Variants in MBTPS1 observed in about 807,000 individuals in gnomAD.
The protein encoded by MBTPS1 is membrane bound transcription factor peptidase, site 1.
A neutral mutation model predicts 127.8 loss-of-function variants in MBTPS1; 94 were observed. The observed-to-expected ratio is 0.74, with a 90% CI of 0.62 to 0.87. The LOEUF is 0.87. MBTPS1 is among the 40% of genes least tolerant of loss of function. MBTPS1 has a pLI of 0.00. For synonymous variants in MBTPS1, 632 were observed against 509.4 expected, an observed-to-expected ratio of 1.24 and a Z score of -3.24; for missense variants, 1,636 against 1,353.2, an observed-to-expected ratio of 1.21 and a Z score of -3.28.
chr16:84,112,177 G>A (rs2086406528), intron 1 of MBTPS1, among the ~76,000 whole-genome samples: 1 of 152,096 alleles, frequency 6.6e-6, no homozygotes, highest in Non-Finnish European at 1.5e-5. Flanking sequence ...ATTCCAGCCT[G>A]GGCAATGGAG....
rs2085884555 is a variant in MBTPS1, at chr16:84,077,881, G to A, written c.1449-3140C>T. Among the ~76,000 whole-genome samples, 5 of 151,638 alleles carry A rather than the reference G, an allele frequency of 3.3e-5. No individual in the cohort carries two copies. The South Asian group carries it at 1.0e-3, about 31-fold the overall frequency. On this transcript the variant is annotated intron_variant, in intron 11 of 22. Coordinates refer to ENST00000343411, the MANE Select transcript of MBTPS1 (RefSeq NM_003791.4). ...ACTCATATATCGAGAACTCTAAAGA[G>A]GGACCAAAAACCCCATTGAAAAAGA...
chr16:84,062,093 T>G lies in MBTPS1; in HGVS notation c.2572+1212A>C, dbSNP rs75336214. On this transcript the variant is annotated intron_variant, in intron 19 of 22. Transcript: ENST00000343411. The stretch of plus-strand genomic sequence containing the variant: ...AACATTAACCTCCTTTAACTGTGAC[T>G]TTAACCCTCACTTTTAATTTTAATT... Among the ~76,000 whole-genome samples the G allele has an allele frequency of 8.7e-3, 1,324 of 152,320 alleles. 24 individuals are homozygous for G. The highest frequency in any genetic ancestry group is 0.03 in the African/African-American group (1,250 of 41,562).
At chr16:84,085,973 AC>A (rs2086017004) in intron 9 of MBTPS1, 1 of 152,240 alleles carries the variant, frequency 6.6e-6, no homozygotes, top group African/African-American at 2.4e-5. Flanking sequence ...TAACCACACG[AC>A]TAACTTGGGA....
chr16:84,112,434 C>T (rs1042685532), intron 1 of MBTPS1, among the ~76,000 whole-genome samples: 5 of 152,018 alleles, frequency 3.3e-5, no homozygotes, highest in Admixed American at 1.3e-4. Flanking sequence ...CCGAGGCAGG[C>T]GGATCATGAG....
At chr16:84,060,348 G>C (rs938808141) in intron 20 of MBTPS1, 2 of 214,842 alleles carry the variant, frequency 9.3e-6, no homozygotes, top group Non-Finnish European at 1.9e-5. Context: ...AAGTGCTCTA[G>C]AATGTTGGTG....
At chr16:84,070,799 A>G (rs1330613054) in intron 12 of MBTPS1, 23 bp from the exon 13 acceptor site, 3 of 1,578,336 alleles carry the variant, frequency 1.9e-6, no homozygotes, top group African/African-American at 1.4e-5. Flanking sequence ...GAAATCAGAC[A>G]AAGGCTAAAG....
At chr16:84,077,301 G>A (rs1159116282) in intron 11 of MBTPS1, among the ~76,000 whole-genome samples, 4 of 144,130 alleles carry the variant, frequency 2.8e-5, no homozygotes, top group African/African-American at 1.0e-4. Flanking sequence ...AGAAAACAAC[G>A]AAAAAAAAAA....
chr16:84,094,300 A>C (rs1254841275), intron 4 of MBTPS1, among the ~76,000 whole-genome samples: 1 of 152,220 alleles, frequency 6.6e-6, no homozygotes, highest in Non-Finnish European at 1.5e-5. Flanking sequence ...CCTATTCCCA[A>C]TAAGGACAGC....
At chr16:84,068,126 C>T (rs1025878122) in intron 15 of MBTPS1, among the ~76,000 whole-genome samples, 5 of 152,236 alleles carry the variant, frequency 3.3e-5, no homozygotes, top group African/African-American at 1.2e-4. Context: ...TACGAATGTC[C>T]CTGTCTCCAA....
At chr16:84,085,579 C>T (rs948583584) in intron 9 of MBTPS1, among the ~76,000 whole-genome samples, 3 of 103,192 alleles carry the variant, frequency 2.9e-5, no homozygotes, top group African/African-American at 9.9e-5. Context: ...CCGCCCCCCC[C>T]CCAAAAAAAA....
chr16:84,063,346 T>A lies in MBTPS1; in HGVS notation c.2531A>T (p.Tyr844Phe), dbSNP rs780921067. Reference protein sequence around the residue: ...PAEGGGRIVLYGDSNCLDDSH... With the variant: ...PAEGGGRIVLFGDSNCLDDSH... ...GTCATCCAAGCAATTGGAGTCCCCA[T>A]ACAGTACAATCCGGCCTCCACCCTC... is the stretch of plus-strand genomic sequence containing the variant. Residue 844 changes from tyrosine to phenylalanine, a missense_variant, in exon 19 of 23, where the codon TAT (tyrosine) becomes TTT (phenylalanine). Tyr to Phe is a conservative substitution (Grantham distance 22, BLOSUM62 3). Transcript: ENST00000343411. 3.7e-6 allele frequency: 6 copies of A among 1,614,136 alleles called. No individual in the cohort carries two copies. Among genetic ancestry groups the A allele is most frequent in the East Asian group, 2.2e-5 (1 of 44,884 alleles).
chr16:84,107,340 G>A (rs2086338506), intron 1 of MBTPS1, among the ~76,000 whole-genome samples: 1 of 152,164 alleles, frequency 6.6e-6, no homozygotes. Context: ...AGCCACCAGT[G>A]GCTGGAAGGA....
Position 84,087,350 on chromosome 16 carries a change from G to C in MBTPS1, c.1134+8C>G. Reference sequence around the variant, plus strand: ...CTAAATACAATTATTTAGCAAAGAAGAGCGTACCCAGGTAGTCATTCCCCT... The same window carrying C: ...CTAAATACAATTATTTAGCAAAGAACAGCGTACCCAGGTAGTCATTCCCCT... On this transcript the variant is annotated splice_region_variant and intron_variant, in intron 9 of 22. Coordinates refer to ENST00000343411, the MANE Select transcript of MBTPS1 (RefSeq NM_003791.4). 1.9e-6 allele frequency: 3 copies of C among 1,604,294 alleles called. No individual in the cohort carries two copies. The highest frequency in any genetic ancestry group is 2.6e-6 in the Non-Finnish European group (3 of 1,171,354).
At chr16:84,092,854 G>A (rs991975635) in intron 6 of MBTPS1, among the ~76,000 whole-genome samples, 2 of 152,218 alleles carry the variant, frequency 1.3e-5, no homozygotes, top group Admixed American at 1.3e-4. Flanking sequence ...ATCTGCAATT[G>A]TTCTGTTCTA....
intron 18 of MBTPS1, among the ~76,000 whole-genome samples, chr16:84,064,872 G>T (rs1466123666): frequency 6.6e-6 from 1 of 152,206 alleles, no homozygotes; most frequent in Non-Finnish European, 1.5e-5. Context: ...GTTGCAAGTA[G>T]ATAAGGTGAG....
intron 18 of MBTPS1, among the ~76,000 whole-genome samples, chr16:84,064,262 C>G (rs1437807034): frequency 6.6e-6 from 1 of 151,806 alleles, no homozygotes; most frequent in Non-Finnish European, 1.5e-5. Context: ...TCCCTGCTCT[C>G]TGTGCAGGAA....
Position 84,084,078 on chromosome 16 carries a change from A to G in MBTPS1, c.1286+905T>C, listed in dbSNP as rs539524579. ...GGGTTCAAGCAATTTTCCTGCCTCA[A>G]TCTCCTGAGTAGCTGGGATTACAGC... is the stretch of plus-strand genomic sequence containing the variant. On this transcript the variant is annotated intron_variant, in intron 10 of 22. Transcript: ENST00000343411. Among the ~76,000 whole-genome samples the G allele has an allele frequency of 6.9e-4, 105 of 152,104 alleles. 1 individual carries two copies. Among genetic ancestry groups the G allele is most frequent in the African/African-American group, 2.3e-3 (96 of 41,490 alleles).
chr16:84,098,086 A>T (rs530635185), intron 3 of MBTPS1, among the ~76,000 whole-genome samples: 1 of 152,336 alleles, frequency 6.6e-6, no homozygotes, highest in South Asian at 2.1e-4. Context: ...ATATCATTTA[A>T]TAAATATGCA....
chr16:84,104,428 A>T (rs60536241), intron 1 of MBTPS1, among the ~76,000 whole-genome samples: 7,863 of 152,184 alleles, frequency 0.052, 653 homozygotes, highest in African/African-American at 0.18. Context: ...GCACCACTAC[A>T]TTCCAGCCTG....
Sources: allele counts gnomAD v4.1 joint callset (sites outside exome capture counted in the v4.1 genomes callset), GRCh38; gene constraint gnomAD v4.1.1; transcripts MANE v1.5; gene names NCBI Gene and HGNC (gene_info 2026-07-23, HGNC 2026-07-21).